The following PTPN20 variants were observed in gnomAD, a reference collection of about 807,000 sequenced individuals.
PTPN20 encodes tyrosine-protein phosphatase non-receptor type 20.
PTPN20 carries 9 observed loss-of-function variants against 35.0 expected under a neutral mutation model. That is an observed-to-expected ratio of 0.26 (90% CI 0.15 to 0.45). The LOEUF (loss-of-function observed/expected upper bound fraction) is 0.45. Among genes scored for constraint, PTPN20 ranks in the 20% least tolerant of loss-of-function variants. PTPN20 has a pLI of 1.00. For missense variants in PTPN20, 111 were observed against 312.5 expected, an observed-to-expected ratio of 0.36 and a Z score of 4.86; for synonymous variants, 32 against 100.2, an observed-to-expected ratio of 0.32 and a Z score of 4.06.
intron 8 of PTPN20, among the ~76,000 whole-genome samples, chr10:46,986,345 AC>A (rs2056873544): frequency 6.9e-6 from 1 of 145,458 alleles, no homozygotes; most frequent in Non-Finnish European, 1.5e-5. Context: ...CATAAAATTA[AC>A]TATCACAAAT....
intron 9 of PTPN20, among the ~76,000 whole-genome samples, chr10:46,990,178 GC>G (rs2057675603): frequency 6.7e-6 from 1 of 149,792 alleles, no homozygotes; most frequent in Non-Finnish European, 1.5e-5. Flanking sequence ...TTCGAGACCA[GC>G]CTGATCAATA....
At chr10:46,986,285 A>G (rs1183526897) in intron 8 of PTPN20, among the ~76,000 whole-genome samples, 1 of 140,512 alleles carries the variant, frequency 7.1e-6, no homozygotes, top group East Asian at 2.0e-4. Flanking sequence ...CAGAGGCACA[A>G]AATAATATTT....
intron 4 of PTPN20, among the ~76,000 whole-genome samples, chr10:46,945,767 A>G (rs2044568758): frequency 1.3e-5 from 2 of 149,714 alleles, no homozygotes; most frequent in East Asian, 2.0e-4. Context: ...TGCAAAGGAA[A>G]CAAAGTGGGT....
chr10:46,949,498 A>G (rs1189652179), intron 5 of PTPN20, among the ~76,000 whole-genome samples: 1 of 152,074 alleles, frequency 6.6e-6, no homozygotes, highest in Non-Finnish European at 1.5e-5. Flanking sequence ...ATTGCAGACT[A>G]CTTGGTTGCC....
chr10:46,954,594 A>T, intron 5 of PTPN20, among the ~76,000 whole-genome samples: 1 of 142,468 alleles, frequency 7.0e-6, no homozygotes, highest in Non-Finnish European at 1.5e-5. Flanking sequence ...TTAACTGATC[A>T]CCTCTCTTTT....
At chr10:46,981,347 G>A (rs1282691504) in intron 7 of PTPN20, 1 of 145,492 alleles carries the variant, frequency 6.9e-6, no homozygotes, top group Non-Finnish European at 1.5e-5. Flanking sequence ...TAATGGCAGG[G>A]ATGGAGGTTA....
intron 9 of PTPN20, among the ~76,000 whole-genome samples, chr10:46,995,148 G>A (rs1221136213): frequency 1.3e-5 from 2 of 152,028 alleles, no homozygotes; most frequent in Non-Finnish European, 2.9e-5. Flanking sequence ...TCCATTTGGG[G>A]AGGTCATGGT....
intron 9 of PTPN20, among the ~76,000 whole-genome samples, chr10:46,988,807 T>G (rs1302485102): frequency 6.6e-6 from 1 of 152,114 alleles, no homozygotes; most frequent in South Asian, 2.1e-4. Flanking sequence ...GTTTTCCTCA[T>G]AGAAGTCTTT....
chr10:47,000,639 C>A, intron 10 of PTPN20, 37 bp from the exon 11 acceptor site: 1 of 1,608,062 alleles, frequency 6.2e-7, no homozygotes, highest in South Asian at 1.1e-5. Context: ...TATTCAATTA[C>A]TTAACATTCT....
intron 1 of PTPN20, among the ~76,000 whole-genome samples, chr10:46,926,706 A>T (rs2037533204): frequency 6.6e-6 from 1 of 151,602 alleles, no homozygotes; most frequent in African/African-American, 2.4e-5. Flanking sequence ...AAGATATGGT[A>T]GACTGAAAAG....
At chr10:46,966,231 T>TA (rs1726958054) in intron 6 of PTPN20, among the ~76,000 whole-genome samples, 1 of 150,904 alleles carries the variant, frequency 6.6e-6, no homozygotes, top group East Asian at 2.0e-4. Flanking sequence ...TTACTAACTC[T>TA]TTAAGGAAAA....
At chr10:46,952,846 C>A (rs1236602000) in intron 5 of PTPN20, among the ~76,000 whole-genome samples, 2 of 151,422 alleles carry the variant, frequency 1.3e-5, no homozygotes, top group Non-Finnish European at 2.9e-5. Flanking sequence ...TACTTGGAAT[C>A]CAGCACACTA....
At chr10:46,953,334 C>G (rs1389073886) in intron 5 of PTPN20, among the ~76,000 whole-genome samples, 1 of 118,868 alleles carries the variant, frequency 8.4e-6, no homozygotes, top group Non-Finnish European at 1.7e-5. Flanking sequence ...CCTTTCATTT[C>G]TTTTCTTTCT....
intron 2 of PTPN20, among the ~76,000 whole-genome samples, chr10:46,937,377 G>T (rs1447445331): frequency 6.6e-6 from 1 of 151,830 alleles, no homozygotes; most frequent in Non-Finnish European, 1.5e-5. Flanking sequence ...TATTACATTT[G>T]TATTTTATTG....
chr10:46,979,946 C>G (rs1193916241), intron 7 of PTPN20, among the ~76,000 whole-genome samples: 10 of 151,066 alleles, frequency 6.6e-5, no homozygotes, highest in African/African-American at 2.4e-4. Flanking sequence ...AATCACCTTT[C>G]CCTTCCACAG....
intron 9 of PTPN20, among the ~76,000 whole-genome samples, chr10:46,998,284 T>A (rs937696472): frequency 5.3e-5 from 8 of 152,176 alleles, no homozygotes; most frequent in African/African-American, 7.2e-5. Context: ...TCATGGAATA[T>A]TATTTAGCAA....
intron 9 of PTPN20, among the ~76,000 whole-genome samples, chr10:46,995,331 T>TC (rs2058863084): frequency 1.4e-5 from 2 of 140,048 alleles, no homozygotes; most frequent in Admixed American, 7.2e-5. Flanking sequence ...AATTTTTTTT[T>TC]TCTTTTTTTT....
chr10:46,939,300 A>G (rs530986297), intron 2 of PTPN20, among the ~76,000 whole-genome samples: 1 of 124,012 alleles, frequency 8.1e-6, no homozygotes, highest in East Asian at 2.5e-4. Context: ...ATTCTCTTAT[A>G]AAAGTTTCCA....
chr10:46,949,560 T>C (rs1420324327), intron 5 of PTPN20, among the ~76,000 whole-genome samples: 4 of 151,718 alleles, frequency 2.6e-5, no homozygotes, highest in African/African-American at 9.7e-5. Flanking sequence ...TTAGTGTTTT[T>C]TTTTCAACTT....
Sources: allele counts gnomAD v4.1 joint callset (sites outside exome capture counted in the v4.1 genomes callset), GRCh38; gene constraint gnomAD v4.1.1; transcripts MANE v1.5; gene names NCBI Gene and HGNC (gene_info 2026-07-23, HGNC 2026-07-21).